Variants in STPG4 observed in about 807,000 individuals in gnomAD.
The protein encoded by STPG4 is sperm-tail PG-rich repeat containing 4, also known as protein STPG4.
In STPG4, 41 loss-of-function variants were observed where a neutral mutation model predicts 31.5. The ratio of observed to expected loss-of-function variants is 1.30; its 90% CI spans 1.01 to 1.69. The LOEUF is 1.69. STPG4 is among the 40% of genes most tolerant of loss of function. The pLI, the probability that STPG4 is intolerant of heterozygous loss-of-function variation, is 0.00. For missense variants in STPG4, 375 were observed against 293.4 expected (o/e 1.28, Z -2.03); for synonymous variants, 141 against 103.0 (o/e 1.37, Z -2.24).
chr2:47,151,282 G>A lies in STPG4; in HGVS notation c.375C>T (p.Pro125=), dbSNP rs778319207. The A allele has an allele frequency of 2.5e-6, 4 of 1,614,168 alleles. No individual in the cohort carries two copies. The South Asian group carries it at 4.4e-5, about 18-fold the overall frequency. ...CCTGATCTTTGTCAACTAGTGTGCT[G>A]GGGCTTGGCCGTGGTTTGTCTTTGA... ...YSFKDKPRPS[P]STLVDKDQSL... Residue 125 remains proline (P), a synonymous_variant, in exon 3 of 7, where the codon CCC becomes CCT. Transcript: ENST00000445927.
In STPG4 at chr2:47,136,912, T is replaced by C. The variant is rs1042438916; in HGVS notation, c.400-6652A>G. On this transcript the variant is annotated intron_variant, in intron 3 of 6. Transcript: ENST00000445927. ...TGTTGATTCTTTTGGATTTTCTACA[T>C]AGGCAATCATGTTATCTGTGAACAA... 2.6e-5 allele frequency among the ~76,000 whole-genome samples: 4 copies of C among 152,236 alleles called. No individual in the cohort carries two copies. In the South Asian group the frequency reaches 6.2e-4, roughly 24 times the overall value.
rs1383815184 is a variant in STPG4 at position 47,103,348 on chromosome 2, T to C, written c.520-12974A>G. 5.3e-5 allele frequency among the ~76,000 whole-genome samples: 8 copies of C among 151,876 alleles called. No homozygotes were observed. In the East Asian group the frequency reaches 1.5e-3, roughly 29 times the overall value. Reference sequence around the variant, plus strand: ...TCGAGGGTCAATTGATTCTAAAAGATAAGTTTATTACCCAATCAGCCGCAG... The same window carrying C: ...TCGAGGGTCAATTGATTCTAAAAGACAAGTTTATTACCCAATCAGCCGCAG... On this transcript the variant is annotated intron_variant, in intron 5 of 6. Transcript: ENST00000445927.
intron 5 of STPG4, among the ~76,000 whole-genome samples, chr2:47,116,686 G>C (rs747994232): frequency 2.6e-5 from 4 of 152,112 alleles, no homozygotes; most frequent in Non-Finnish European, 4.4e-5. Context: ...GTTCCTGGGA[G>C]CATGGCGGAG....
chr2:47,094,896 C>G (rs7602549), intron 5 of STPG4, among the ~76,000 whole-genome samples: 60,495 of 152,014 alleles, frequency 0.4, 13,125 homozygotes, highest in Middle Eastern at 0.54. Flanking sequence ...CTTTGGTAAG[C>G]CTGACATTTC....
At position 47,090,293 on chromosome 2, in the gene STPG4, G is replaced by A; in HGVS notation, c.601C>T (p.Pro201Ser). 6.4e-7 allele frequency: 1 copy of A among 1,551,498 alleles called. No homozygotes were observed. Among genetic ancestry groups the A allele is most frequent in the South Asian group, 1.2e-5 (1 of 84,048 alleles). Residue 201 changes from proline to serine, a missense_variant, in exon 6 of 7, where the codon CCT becomes TCT. Transcript: ENST00000445927. ...ACTGAACAGCTGGGCAAGAATCGAG[G>A]GACTCTGGATTGAAAACAAGAAGTG... ...SVTSCFQSRV[P>S]RFLPSCSKTP...
chr2:47,143,355 G>T (rs1686755338), intron 3 of STPG4, among the ~76,000 whole-genome samples: 1 of 152,138 alleles, frequency 6.6e-6, no homozygotes, highest in African/African-American at 2.4e-5. Context: ...TTATATAGTT[G>T]ATCACCTGAT....
intron 5 of STPG4, among the ~76,000 whole-genome samples, chr2:47,128,094 ACTTGTAGAGGTAATGC>A (rs1168581060): frequency 3.3e-5 from 5 of 152,132 alleles, no homozygotes; most frequent in Non-Finnish European, 7.4e-5. Flanking sequence ...ATTCTGGTAG[ACTTGTAGAGGTAATGC>A]CTTGGTAGTC....
chr2:47,089,654 T>TAAA (rs35936692), intron 6 of STPG4, among the ~76,000 whole-genome samples: 13 of 148,492 alleles, frequency 8.8e-5, no homozygotes, highest in South Asian at 2.1e-4. Context: ...CTTTTGACAT[T>TAAA]AAAAAAAAAA....
chr2:47,090,127 C>A, intron 6 of STPG4, 143 bp downstream of exon 6: 1 of 549,618 alleles, frequency 1.8e-6, no homozygotes, highest in Non-Finnish European at 3.2e-6. Context: ...TGACAGGCAA[C>A]TGTATCTACC....
chr2:47,154,117 AAAGT>A (rs1253448800), intron 1 of STPG4, among the ~76,000 whole-genome samples: 2 of 152,220 alleles, frequency 1.3e-5, no homozygotes, highest in African/African-American at 4.8e-5. Flanking sequence ...GACTGCATTA[AAAGT>A]AATAATCAGT....
intron 5 of STPG4, among the ~76,000 whole-genome samples, chr2:47,099,119 T>C (rs1322868276): frequency 6.6e-6 from 1 of 152,204 alleles, no homozygotes; most frequent in African/African-American, 2.4e-5. Flanking sequence ...CAACACCAAG[T>C]GATCACAAAC....
At chr2:47,112,596 A>C (rs188838940) in intron 5 of STPG4, among the ~76,000 whole-genome samples, 251 of 152,332 alleles carry the variant, frequency 1.6e-3, no homozygotes, top group Non-Finnish European at 3.0e-3. Context: ...TCTCAAAAGT[A>C]TTTGAAGAGA....
intron 5 of STPG4, chr2:47,128,809 A>T (rs1454731262): frequency 6.6e-6 from 1 of 152,178 alleles, no homozygotes; most frequent in African/African-American, 2.4e-5. Flanking sequence ...CCCAAGCTGC[A>T]AGACAAAATC....
chr2:47,128,627 G>A (rs573613559), intron 5 of STPG4, among the ~76,000 whole-genome samples: 4 of 152,150 alleles, frequency 2.6e-5, no homozygotes, highest in Non-Finnish European at 4.4e-5. Flanking sequence ...TTCACTCAAG[G>A]CTCTTCAGTC....
At chr2:47,087,724 A>G (rs1024453935) in intron 6 of STPG4, among the ~76,000 whole-genome samples, 3 of 152,184 alleles carry the variant, frequency 2.0e-5, no homozygotes, top group Admixed American at 6.5e-5. Flanking sequence ...TTGTTTTTAT[A>G]AAATGCTTGA....
At chr2:47,088,157 G>A (rs866042989) in intron 6 of STPG4, among the ~76,000 whole-genome samples, 2 of 151,882 alleles carry the variant, frequency 1.3e-5, no homozygotes, top group Non-Finnish European at 2.9e-5. Flanking sequence ...TCAGCTCACT[G>A]CAACCTCCAC....
At chr2:47,117,827 C>T (rs1264419818) in intron 5 of STPG4, among the ~76,000 whole-genome samples, 1 of 152,136 alleles carries the variant, frequency 6.6e-6, no homozygotes, top group Admixed American at 6.5e-5. Context: ...TGAACTCATT[C>T]TACTGCAAAG....
At chr2:47,115,397 G>A (rs1361834363) in intron 5 of STPG4, among the ~76,000 whole-genome samples, 1 of 152,046 alleles carries the variant, frequency 6.6e-6, no homozygotes, top group African/African-American at 2.4e-5. Flanking sequence ...TTTATCACCA[G>A]CGGCATCTTT....
chr2:47,141,027 C>T (rs970502014), intron 3 of STPG4, among the ~76,000 whole-genome samples: 2 of 151,898 alleles, frequency 1.3e-5, no homozygotes, highest in African/African-American at 4.8e-5. Flanking sequence ...GCTGTGACTA[C>T]AGGTGTGTAC....
Sources: gnomAD v4.1 joint callset for allele counts (sites outside exome capture counted in the v4.1 genomes callset) on GRCh38, gnomAD v4.1.1 for gene constraint, MANE v1.5 for transcripts, NCBI Gene and HGNC (gene_info 2026-07-23, HGNC 2026-07-21) for gene names.